The following NCK1 variants were observed in gnomAD, a reference collection of about 807,000 sequenced individuals.
The protein encoded by NCK1 is SH2/SH3 adapter protein NCK1.
NCK1 carries 19 observed loss-of-function variants against 36.6 expected under a neutral mutation model. The ratio of observed to expected loss-of-function variants is 0.52; its 90% CI spans 0.36 to 0.76. The LOEUF (loss-of-function observed/expected upper bound fraction) is 0.76. Ranked by LOEUF, NCK1 falls within the 30% of genes least tolerant of loss-of-function variation. NCK1 has a pLI of 0.00. For missense variants in NCK1, 358 were observed against 445.6 expected, an observed-to-expected ratio of 0.80 and a Z score of 1.77; for synonymous variants, 165 against 156.0, an observed-to-expected ratio of 1.06 and a Z score of -0.43.
intron 1 of NCK1, among the ~76,000 whole-genome samples, chr3:136,879,993 A>AAAAAAAAAGC: frequency 6.7e-6 from 1 of 148,438 alleles, no homozygotes; most frequent in East Asian, 2.0e-4. Context: ...GAATATTAAA[A>AAAAAAAAAGC]AAAAAAAAAG....
chr3:136,881,823 AG>A (rs993260719), intron 1 of NCK1, among the ~76,000 whole-genome samples: 1 of 152,164 alleles, frequency 6.6e-6, no homozygotes, highest in African/African-American at 2.4e-5. Flanking sequence ...AATGTCTTGA[AG>A]GTTCATCCGT....
chr3:136,892,807 G>A (rs1423597303), intron 1 of NCK1, among the ~76,000 whole-genome samples: 1 of 152,094 alleles, frequency 6.6e-6, no homozygotes, highest in African/African-American at 2.4e-5. Flanking sequence ...TTATACATGA[G>A]ACTTTTAAAA....
rs953856282 is a variant in NCK1, at chr3:136,899,465, G to A, written c.-18-28519G>A. On this transcript the variant is annotated intron_variant, in intron 1 of 3. Coordinates refer to ENST00000481752, the MANE Select transcript of NCK1 (RefSeq NM_001291999.2). Reference sequence around the variant, plus strand: ...CTTTAACTTTACTTTTTCTCATAGAGGAGTCTTTGTCATTATCCTCACTCT... The same window carrying A: ...CTTTAACTTTACTTTTTCTCATAGAAGAGTCTTTGTCATTATCCTCACTCT... The A allele has an allele frequency of 2.3e-5, 7 of 310,154 alleles. No homozygotes were observed. In the South Asian group the frequency reaches 3.2e-4, roughly 14 times the overall value. The allele number at this position is 310,154 out of a possible 1,614,324, so 19.2% of individuals were successfully genotyped here. A position where few individuals can be genotyped will look rare whatever the true frequency, so the allele number is the denominator to read the frequency against.
intron 1 of NCK1, among the ~76,000 whole-genome samples, chr3:136,866,172 A>G (rs1938403592): frequency 6.6e-6 from 1 of 151,928 alleles, no homozygotes; most frequent in African/African-American, 2.4e-5. Context: ...TGGGGCCAGC[A>G]CTATTTCTTT....
intron 1 of NCK1, among the ~76,000 whole-genome samples, chr3:136,873,120 C>T (rs1938674514): frequency 1.3e-5 from 2 of 152,150 alleles, no homozygotes; most frequent in African/African-American, 2.4e-5. Flanking sequence ...ACAGCTTGCA[C>T]CATGCGCCTG....
At chr3:136,877,171 T>G (rs1210001108) in intron 1 of NCK1, among the ~76,000 whole-genome samples, 3 of 152,210 alleles carry the variant, frequency 2.0e-5, no homozygotes, top group Non-Finnish European at 2.9e-5. Flanking sequence ...CTAATTGACA[T>G]GCATTGAATA....
chr3:136,886,982 T>G (rs943980662), intron 1 of NCK1, among the ~76,000 whole-genome samples: 1 of 152,116 alleles, frequency 6.6e-6, no homozygotes, highest in Non-Finnish European at 1.5e-5. Context: ...TAGCTGGGAC[T>G]ACAGGCAGGT....
chr3:136,906,809 A>G (rs1435430896), intron 1 of NCK1, among the ~76,000 whole-genome samples: 2 of 152,086 alleles, frequency 1.3e-5, no homozygotes, highest in East Asian at 3.9e-4. Context: ...GGCAGGTTGA[A>G]TAGGTCCAAT....
chr3:136,865,781 T>G (rs1938394904), intron 1 of NCK1, among the ~76,000 whole-genome samples: 1 of 152,220 alleles, frequency 6.6e-6, no homozygotes, highest in Non-Finnish European at 1.5e-5. Context: ...TAAGGAAACT[T>G]TATGTCTGGC....
intron 1 of NCK1, among the ~76,000 whole-genome samples, chr3:136,897,689 T>C (rs1480164577): frequency 6.6e-6 from 1 of 152,226 alleles, no homozygotes; most frequent in Non-Finnish European, 1.5e-5. Flanking sequence ...TTCACCCTTT[T>C]TTTAGACAAA....
In NCK1 at chr3:136,948,613, T is replaced by C. The variant is rs1560058340; in HGVS notation, c.*160T>C. 1.7e-6 allele frequency: 1 copy of C among 599,036 alleles called. No individual in the cohort carries two copies. The highest frequency in any genetic ancestry group is 2.8e-5 in the East Asian group (1 of 35,128). 37.1% of individuals were successfully genotyped at this position (599,036 alleles called of 1,614,324 possible). On this transcript the variant is annotated 3_prime_UTR_variant, in exon 4 of 4. Coordinates refer to ENST00000481752, the MANE Select transcript of NCK1 (RefSeq NM_001291999.2). ...TTTATTATAACTCAGCCCATACATATATACTATGTATGCAGTGCATCTGCA... is the reference window on the plus strand; with the variant it reads ...TTTATTATAACTCAGCCCATACATACATACTATGTATGCAGTGCATCTGCA...
intron 1 of NCK1, among the ~76,000 whole-genome samples, chr3:136,912,653 C>CTT (rs916471090): frequency 6.9e-6 from 1 of 143,956 alleles, no homozygotes; most frequent in Non-Finnish European, 1.5e-5. Flanking sequence ...TTTCCCTCCT[C>CTT]TTTTTTTTTT....
At chr3:136,884,307 C>T (rs1305515818) in intron 1 of NCK1, among the ~76,000 whole-genome samples, 2 of 152,132 alleles carry the variant, frequency 1.3e-5, no homozygotes, top group Non-Finnish European at 2.9e-5. Flanking sequence ...AGAGCTATCC[C>T]TTGTCATATG....
intron 1 of NCK1, among the ~76,000 whole-genome samples, chr3:136,880,727 C>G (rs1019882415): frequency 1.3e-5 from 2 of 152,102 alleles, no homozygotes; most frequent in African/African-American, 4.8e-5. Context: ...GTTTCAACCT[C>G]CCATGTAGCT....
chr3:136,889,775 C>T (rs1157234103), intron 1 of NCK1, among the ~76,000 whole-genome samples: 3 of 152,140 alleles, frequency 2.0e-5, no homozygotes, highest in African/African-American at 2.4e-5. Context: ...TACGGAGTGT[C>T]GATTGGTGCA....
intron 1 of NCK1, among the ~76,000 whole-genome samples, chr3:136,877,501 A>G (rs1276186832): frequency 3.9e-5 from 6 of 152,348 alleles, no homozygotes; most frequent in African/African-American, 9.6e-5. Context: ...ATAGCCTTCA[A>G]ATCTATACAT....
At chr3:136,864,028 G>A (rs907278114) in intron 1 of NCK1, among the ~76,000 whole-genome samples, 16 of 152,074 alleles carry the variant, frequency 1.1e-4, no homozygotes, top group Non-Finnish European at 2.2e-4. Flanking sequence ...GTGAACCCGG[G>A]AGGCGGAGCT....
In NCK1 at chr3:136,879,989, T is replaced by TA. The variant is rs891612999; in HGVS notation, c.-19+17649dup. Among the ~76,000 whole-genome samples, 81 of 119,506 alleles carry TA rather than the reference T, an allele frequency of 6.8e-4. 2 individuals are homozygous for TA. Among genetic ancestry groups the TA allele is most frequent in the African/African-American group, 1.0e-3 (33 of 31,662 alleles). 78.4% of individuals were successfully genotyped at this position (119,506 alleles called of 152,430 possible). On this transcript the variant is annotated intron_variant, in intron 1 of 3. Transcript: ENST00000481752. ...ATGTACCCTAGAACTTAAAGAATAT[T>TA]AAAAAAAAAAAAAGGCTGGGCACAG...
At position 136,890,298 on chromosome 3, in the gene NCK1, G is replaced by A. The variant is rs570434347; in HGVS notation, c.-19+27945G>A. Among the ~76,000 whole-genome samples, 21 of 152,254 alleles carry A rather than the reference G, an allele frequency of 1.4e-4. No homozygotes were observed. The South Asian group carries it at 4.1e-3, about 30-fold the overall frequency. The stretch of plus-strand genomic sequence containing the variant: ...CCGGCCGGCTGCTCTGAGTGCGTGC[G>A]GGGCCTGCCAAGCCCACGCCCACCC... On this transcript the variant is annotated intron_variant, in intron 1 of 3. Coordinates refer to ENST00000481752, the MANE Select transcript of NCK1 (RefSeq NM_001291999.2).
Sources: gnomAD v4.1 joint callset for allele counts (sites outside exome capture counted in the v4.1 genomes callset) on GRCh38, gnomAD v4.1.1 for gene constraint, MANE v1.5 for transcripts, NCBI Gene and HGNC (gene_info 2026-07-23, HGNC 2026-07-21) for gene names.